Variants in COLEC11 observed in about 807,000 individuals in gnomAD.
The protein encoded by COLEC11 is collectin subfamily member 11.
Under a neutral mutation model 27.3 loss-of-function variants are expected in COLEC11, and 20 were observed. The observed-to-expected ratio is 0.73, with a 90% confidence interval of 0.51 to 1.06. The LOEUF is 1.06. COLEC11 is among the 50% of genes least tolerant of loss of function. COLEC11 has a pLI of 0.00. For synonymous variants in COLEC11, 163 were observed against 154.7 expected, an observed-to-expected ratio of 1.05 and a Z score of -0.40; for missense variants, 310 against 383.0, an observed-to-expected ratio of 0.81 and a Z score of 1.59.
intron 3 of COLEC11, among the ~76,000 whole-genome samples, chr2:3,613,976 C>CTTTTTTTTTTTTTTT (rs1461288131): frequency 4.4e-5 from 4 of 91,320 alleles, no homozygotes; most frequent in African/African-American, 1.4e-4. Context: ...TTCTTTCTTT[C>CTTTTTTTTTTTTTTT]TTTCTTTTTT....
chr2:3,610,378 G>A (rs1468401800), intron 2 of COLEC11, among the ~76,000 whole-genome samples: 1 of 152,214 alleles, frequency 6.6e-6, no homozygotes, highest in African/African-American at 2.4e-5. Flanking sequence ...TGGAGCACCC[G>A]CCTTCTTCCT....
chr2:3,603,368 G>C (rs1443658383), intron 1 of COLEC11: 2 of 369,608 alleles, frequency 5.4e-6, no homozygotes, highest in Non-Finnish European at 1.0e-5. Flanking sequence ...GCAGGCTGGA[G>C]TGTAGTGGCG....
At position 3,633,966 on chromosome 2, in the gene COLEC11, C is replaced by T. The variant is rs142521458; in HGVS notation, c.203-3567C>T. 8.6e-3 allele frequency among the ~76,000 whole-genome samples: 1,311 copies of T among 152,298 alleles called. 12 individuals carry two copies. The highest frequency in any genetic ancestry group is 0.014 in the Non-Finnish European group (969 of 68,020). ...ATCAGCTTTTCTGTAGGACCCTCTG[C>T]GGGAGGCCGAGCAGAAGCACGGGGC... is the stretch of plus-strand genomic sequence containing the variant. On this transcript the variant is annotated intron_variant, in intron 3 of 6. Transcript: ENST00000349077.
chr2:3,616,610 C>T (rs979530766), intron 3 of COLEC11, among the ~76,000 whole-genome samples: 25 of 152,380 alleles, frequency 1.6e-4, no homozygotes, highest in African/African-American at 6.0e-4. Context: ...AATACGAAAA[C>T]CAGTCAGGCA....
chr2:3,601,167 C>A (rs34681484), intron 1 of COLEC11, among the ~76,000 whole-genome samples: 40,721 of 152,122 alleles, frequency 0.27, 6,853 homozygotes, highest in African/African-American at 0.48. Context: ...GGGGCCTCGG[C>A]GTGGTGGCAG....
rs1266110188 is a variant in COLEC11 at position 3,604,387 on chromosome 2, T to A, written c.47T>A (p.Phe16Tyr). Residue 16 changes from phenylalanine to tyrosine, a missense_variant, in exon 2 of 7, where the codon TTC becomes TAC. Coordinates refer to ENST00000349077, the MANE Select transcript of COLEC11 (RefSeq NM_024027.5). Reference sequence around the variant, plus strand: ...GTGGGCGTTCTAATCAGCCTGGCCTTCCTGTCACTGCTGCCATCTGGACAT... The same window carrying A: ...GTGGGCGTTCTAATCAGCCTGGCCTACCTGTCACTGCTGCCATCTGGACAT... ...ALVGVLISLA[F>Y]LSLLPSGHPQ... The A allele has an allele frequency of 6.2e-7, 1 of 1,614,216 alleles. No homozygotes were observed. The highest frequency in any genetic ancestry group is 8.5e-7 in the Non-Finnish European group (1 of 1,180,032).
At chr2:3,634,237 C>T (rs1665222040) in intron 3 of COLEC11, among the ~76,000 whole-genome samples, 1 of 152,204 alleles carries the variant, frequency 6.6e-6, no homozygotes, top group Non-Finnish European at 1.5e-5. Flanking sequence ...CAGGGTACGT[C>T]CTGGGGAAAG....
At chr2:3,603,663 T>G in intron 1 of COLEC11, 1 of 1,550,954 alleles carries the variant, frequency 6.4e-7, no homozygotes, top group East Asian at 2.4e-5. Flanking sequence ...AACAAAGAGG[T>G]CAGCACGTAC....
chr2:3,612,662 C>A (rs1294106731), intron 2 of COLEC11, among the ~76,000 whole-genome samples: 1 of 152,076 alleles, frequency 6.6e-6, no homozygotes, highest in Non-Finnish European at 1.5e-5. Flanking sequence ...GTCCACAGGC[C>A]TTCCTGAGGC....
At chr2:3,629,693 G>A (rs1193112439) in intron 3 of COLEC11, among the ~76,000 whole-genome samples, 1 of 152,190 alleles carries the variant, frequency 6.6e-6, no homozygotes, top group Non-Finnish European at 1.5e-5. Flanking sequence ...GCATGGGTAT[G>A]TCATGTGAGT....
At chr2:3,638,496 C>G (rs1665604181) in intron 4 of COLEC11, among the ~76,000 whole-genome samples, 1 of 152,224 alleles carries the variant, frequency 6.6e-6, no homozygotes, top group South Asian at 2.1e-4. Flanking sequence ...CCAGGTTCTT[C>G]TACCTCATTC....
In COLEC11 at chr2:3,605,252, G is replaced by T. The variant is rs1662555820; in HGVS notation, c.130+782G>T. Among the ~76,000 whole-genome samples, 2 of 151,926 alleles carry T rather than the reference G, an allele frequency of 1.3e-5. 1 individual carries two copies. The highest frequency in any genetic ancestry group is 1.3e-4 in the Admixed American group (2 of 15,264). On this transcript the variant is annotated intron_variant, in intron 2 of 6. Coordinates refer to ENST00000349077, the MANE Select transcript of COLEC11 (RefSeq NM_024027.5). ...GGGTGGCAGGGCCGGGGCTGCACCG[G>T]CCGCAGCAGAGTCCAGGCCGCCGCT... is the stretch of plus-strand genomic sequence containing the variant.
chr2:3,607,771 T>C (rs970131198), intron 2 of COLEC11, among the ~76,000 whole-genome samples: 4 of 152,200 alleles, frequency 2.6e-5, no homozygotes, highest in African/African-American at 9.6e-5. Context: ...TTTAAAATCA[T>C]TTACTGCCAT....
intron 3 of COLEC11, chr2:3,617,891 G>T: frequency 1.9e-6 from 1 of 516,658 alleles, no homozygotes; most frequent in East Asian, 3.2e-5. Context: ...CATCCTAACA[G>T]GTGTGAGGTA....
chr2:3,632,361 C>T (rs577297344), intron 3 of COLEC11, among the ~76,000 whole-genome samples: 64 of 152,326 alleles, frequency 4.2e-4, no homozygotes, highest in African/African-American at 1.4e-3. Context: ...CAGCGGGCAG[C>T]TTCCAGGACA....
intron 5 of COLEC11, chr2:3,641,364 G>C: frequency 7.7e-7 from 1 of 1,301,768 alleles, no homozygotes; most frequent in Non-Finnish European, 1.0e-6. Flanking sequence ...ATCCGCTCAG[G>C]GCACCTCCAG....
intron 2 of COLEC11, among the ~76,000 whole-genome samples, chr2:3,611,383 C>T (rs1368537176): frequency 6.6e-6 from 1 of 152,212 alleles, no homozygotes; most frequent in African/African-American, 2.4e-5. Context: ...CCCGGACTGG[C>T]CTCTCCCATG....
rs766595307 is a variant in COLEC11, at chr2:3,644,502, T to C, written c.*384T>C. On this transcript the variant is annotated 3_prime_UTR_variant, in exon 7 of 7. Transcript: ENST00000349077. ...GAATTACTACCTTTTAATTTCTATA[T>C]GGAAAAGAACTCACTTTGACCAACA... The C allele has an allele frequency of 4.2e-6, 2 of 472,106 alleles. No individual in the cohort carries two copies. Among genetic ancestry groups the C allele is most frequent in the South Asian group, 3.1e-5 (2 of 64,310 alleles). The allele number at this position is 472,106 out of a possible 1,614,324, so 29.2% of individuals were successfully genotyped here.
intron 2 of COLEC11, among the ~76,000 whole-genome samples, chr2:3,611,330 C>T (rs947239565): frequency 6.6e-6 from 1 of 152,240 alleles, no homozygotes; most frequent in African/African-American, 2.4e-5. Flanking sequence ...GGCTCCCGCA[C>T]AGCGTCTCTG....
Sources: allele counts gnomAD v4.1 joint callset (sites outside exome capture counted in the v4.1 genomes callset), GRCh38; gene constraint gnomAD v4.1.1; transcripts MANE v1.5; gene names NCBI Gene and HGNC (gene_info 2026-07-23, HGNC 2026-07-21).